The following NCF2 variants were observed in gnomAD, a reference collection of about 807,000 sequenced individuals.
The protein encoded by NCF2 is neutrophil cytosolic factor 2.
NCF2 carries 45 observed loss-of-function variants against 70.9 expected under a neutral mutation model. The observed-to-expected ratio is 0.63, with a 90% CI of 0.50 to 0.81. The LOEUF (loss-of-function observed/expected upper bound fraction) is 0.81. Among genes scored for constraint, NCF2 ranks in the 40% least tolerant of loss-of-function variants. The pLI, the probability that NCF2 is intolerant of heterozygous loss-of-function variation, is 0.00. For synonymous variants in NCF2, 203 were observed against 233.6 expected, an observed-to-expected ratio of 0.87 and a Z score of 1.19; for missense variants, 522 against 631.6, an observed-to-expected ratio of 0.83 and a Z score of 1.86.
At chr1:183,561,946 C>T (rs1672081760) in intron 13 of NCF2, among the ~76,000 whole-genome samples, 1 of 151,610 alleles carries the variant, frequency 6.6e-6, no homozygotes, top group Non-Finnish European at 1.5e-5. Flanking sequence ...AGGTGCACAC[C>T]ACCACACCCA....
the NCF2 span, among the ~76,000 whole-genome samples, chr1:183,601,410 G>A: frequency 1.3e-4 from 20 of 151,968 alleles, no homozygotes; most frequent in Non-Finnish European, 2.2e-4. Flanking sequence ...CATTTCACAC[G>A]TCTGTAAACA....
the NCF2 span, among the ~76,000 whole-genome samples, chr1:183,595,889 G>T: frequency 2.0e-5 from 3 of 152,052 alleles, no homozygotes; most frequent in African/African-American, 7.2e-5. Context: ...CAAGGGGAGG[G>T]GATTACACAA....
Position 183,563,108 on chromosome 1 carries a change from G to A in NCF2, c.1290+87C>T, listed in dbSNP as rs989559970. ...TCCCCAACACCACATATAGTGCCTA[G>A]TACACAGAAGGTGCTTGATAAATTT... On this transcript the variant is annotated intron_variant, in intron 13 of 14. Coordinates refer to ENST00000367535, the MANE Select transcript of NCF2 (RefSeq NM_000433.4). 1.8e-5 allele frequency: 22 copies of A among 1,205,086 alleles called. No homozygotes were observed. In the African/African-American group the frequency reaches 3.0e-4, roughly 16 times the overall value. The allele number at this position is 1,205,086 out of a possible 1,614,324, so 74.6% of individuals were successfully genotyped here.
At chr1:183,597,441 C>A in the NCF2 span, among the ~76,000 whole-genome samples, 3 of 152,142 alleles carry the variant, frequency 2.0e-5, no homozygotes, top group Non-Finnish European at 2.9e-5. Context: ...TAGAAATCTA[C>A]CCCCTATTTA....
chr1:183,571,528 T>C (rs1672563312), intron 5 of NCF2, among the ~76,000 whole-genome samples: 1 of 152,216 alleles, frequency 6.6e-6, no homozygotes, highest in African/African-American at 2.4e-5. Context: ...CAGAAGAAAA[T>C]GCTGTACCCA....
chr1:183,557,203 G>A (rs789181), intron 14 of NCF2, among the ~76,000 whole-genome samples: 137,241 of 152,258 alleles, frequency 0.9, 61,979 homozygotes, highest in East Asian at 1. Context: ...ACTTAGGTAT[G>A]ATCTCCAAAG....
the NCF2 span, among the ~76,000 whole-genome samples, chr1:183,597,376 G>A: frequency 6.6e-6 from 1 of 152,178 alleles, no homozygotes; most frequent in Admixed American, 6.5e-5. Flanking sequence ...TGATGTTGAA[G>A]GAGTAGAAAC....
At chr1:183,600,987 A>G in the NCF2 span, among the ~76,000 whole-genome samples, 337 of 152,304 alleles carry the variant, frequency 2.2e-3, 2 homozygotes, top group African/African-American at 7.4e-3. Context: ...TTTTTATCAT[A>G]ATATTTATTG....
the NCF2 span, among the ~76,000 whole-genome samples, chr1:183,600,093 G>T: frequency 2.0e-5 from 3 of 152,164 alleles, no homozygotes; most frequent in African/African-American, 7.2e-5. Context: ...ATGTACATCA[G>T]AATTAAAATA....
chr1:183,567,013 G>A (rs757154885), intron 8 of NCF2, 25 bp from the exon 9 acceptor site: 2 of 1,613,932 alleles, frequency 1.2e-6, no homozygotes, highest in East Asian at 4.5e-5. Context: ...CACAGAATCA[G>A]AAAGGAAAAA....
intron 2 of NCF2, among the ~76,000 whole-genome samples, chr1:183,582,095 C>T (rs1011152977): frequency 2.0e-5 from 3 of 152,234 alleles, no homozygotes; most frequent in African/African-American, 7.2e-5. Context: ...GAAGGGGGTT[C>T]CGCTTTGACA....
At chr1:183,589,665 A>C (rs1362441488) in intron 1 of NCF2, among the ~76,000 whole-genome samples, 1 of 152,204 alleles carries the variant, frequency 6.6e-6, no homozygotes, top group East Asian at 1.9e-4. Flanking sequence ...CTCCTTTATA[A>C]TTGATCAGAA....
At chr1:183,584,800 G>T (rs1031874183) in intron 2 of NCF2, among the ~76,000 whole-genome samples, 1 of 152,120 alleles carries the variant, frequency 6.6e-6, no homozygotes, top group African/African-American at 2.4e-5. Context: ...GAGGCAAGAC[G>T]TCGGTCAAGA....
At chr1:183,587,949 G>A (rs1460131960) in intron 1 of NCF2, among the ~76,000 whole-genome samples, 3 of 151,858 alleles carry the variant, frequency 2.0e-5, no homozygotes, top group African/African-American at 2.4e-5. Flanking sequence ...TTCTATTATC[G>A]CTGTTTTAAT....
chr1:183,596,248 T>C, the NCF2 span, among the ~76,000 whole-genome samples: 1 of 149,712 alleles, frequency 6.7e-6, no homozygotes, highest in Non-Finnish European at 1.5e-5. Flanking sequence ...CTTGGCTAAA[T>C]ATATGTGTCC....
upstream of NCF2, among the ~76,000 whole-genome samples, chr1:183,595,027 A>G (rs1673742553): frequency 6.6e-6 from 1 of 152,070 alleles, no homozygotes; most frequent in African/African-American, 2.4e-5. Flanking sequence ...TCATTGGCTA[A>G]TTAATTAAAT....
Position 183,588,184 on chromosome 1 carries a change from A to G in NCF2, c.175-1207T>C, listed in dbSNP as rs111686087. On this transcript the variant is annotated intron_variant, in intron 1 of 14. Transcript: ENST00000367535. ...GAAGGTAGAGTTTTTGGAGGTGATA[A>G]TGATGTCAAACTTAAAGATACAATT... Among the ~76,000 whole-genome samples the G allele has an allele frequency of 5.1e-3, 782 of 152,348 alleles. 9 individuals carry two copies. Among genetic ancestry groups the G allele is most frequent in the African/African-American group, 0.017 (723 of 41,578 alleles).
chr1:183,587,686 C>T (rs1035616258), intron 1 of NCF2, among the ~76,000 whole-genome samples: 37 of 149,342 alleles, frequency 2.5e-4, no homozygotes, highest in African/African-American at 8.6e-4. Context: ...TGGATTATCA[C>T]CAACAGAAAT....
chr1:183,577,817 C>G (rs1271315828), intron 2 of NCF2, 110 bp from the exon 3 acceptor site: 3 of 795,198 alleles, frequency 3.8e-6, no homozygotes, highest in African/African-American at 1.7e-5. Context: ...GGACAAGAAG[C>G]CTTTCAGTTC....
Sources: gnomAD v4.1 joint callset for allele counts (sites outside exome capture counted in the v4.1 genomes callset) on GRCh38, gnomAD v4.1.1 for gene constraint, MANE v1.5 for transcripts, NCBI Gene and HGNC (gene_info 2026-07-23, HGNC 2026-07-21) for gene names.